The following ASTN1 variants were observed in gnomAD, a reference collection of about 807,000 sequenced individuals.
ASTN1 encodes astrotactin-1.
In ASTN1, 41 loss-of-function variants were observed where a neutral mutation model predicts 140.7. The ratio of observed to expected loss-of-function variants is 0.29; its 90% CI spans 0.23 to 0.38. ASTN1 has a LOEUF of 0.38. Ranked by LOEUF, ASTN1 falls within the 10% of genes least tolerant of loss-of-function variation. The pLI, the probability that ASTN1 is intolerant of heterozygous loss-of-function variation, is 1.00. For synonymous variants in ASTN1, 640 were observed against 652.2 expected (o/e 0.98, Z 0.29); for missense variants, 1,479 against 1,678.8 (o/e 0.88, Z 2.08).
At chr1:176,909,744 T>G (rs1670149993) in intron 16 of ASTN1, among the ~76,000 whole-genome samples, 1 of 152,202 alleles carries the variant, frequency 6.6e-6, no homozygotes, top group South Asian at 2.1e-4. Context: ...CCAAGATTTC[T>G]AGATTCTTTT....
intron 2 of ASTN1, among the ~76,000 whole-genome samples, chr1:177,058,106 G>A (rs1326994142): frequency 6.6e-6 from 1 of 152,196 alleles, no homozygotes. Flanking sequence ...GTGTGTGTAT[G>A]GAATGGGAAT....
chr1:177,065,125 C>T (rs114379187), intron 1 of ASTN1, among the ~76,000 whole-genome samples: 3 of 152,176 alleles, frequency 2.0e-5, no homozygotes, highest in East Asian at 3.9e-4. Context: ...CAGATAGAAC[C>T]TTTTTCACAG....
chr1:176,909,996 C>T (rs1008319211), intron 16 of ASTN1, among the ~76,000 whole-genome samples: 2 of 152,100 alleles, frequency 1.3e-5, no homozygotes, highest in African/African-American at 4.8e-5. Flanking sequence ...TCAAACAAAC[C>T]ACACAATGGA....
intron 1 of ASTN1, among the ~76,000 whole-genome samples, chr1:177,156,538 G>T (rs975645892): frequency 6.6e-6 from 1 of 151,878 alleles, no homozygotes; most frequent in African/African-American, 2.4e-5. Context: ...AAAACGCAAA[G>T]TATAAAATAA....
At chr1:176,940,061 C>G (rs1043370963) in intron 14 of ASTN1, among the ~76,000 whole-genome samples, 1 of 152,174 alleles carries the variant, frequency 6.6e-6, no homozygotes, top group African/African-American at 2.4e-5. Flanking sequence ...AACCTTCACA[C>G]AGATTTAATG....
At chr1:176,989,944 C>A (rs1418031281) in intron 8 of ASTN1, among the ~76,000 whole-genome samples, 1 of 151,974 alleles carries the variant, frequency 6.6e-6, no homozygotes, top group Non-Finnish European at 1.5e-5. Flanking sequence ...CCCCCTGCCC[C>A]CATCTTGAGC....
intron 18 of ASTN1, among the ~76,000 whole-genome samples, chr1:176,886,361 T>C (rs760832562): frequency 4.6e-5 from 7 of 152,250 alleles, no homozygotes; most frequent in South Asian, 4.1e-4. Context: ...CTGGATCTTG[T>C]GTCCACCTGA....
At chr1:177,160,654 G>T (rs576019650) in intron 1 of ASTN1, among the ~76,000 whole-genome samples, 10 of 152,266 alleles carry the variant, frequency 6.6e-5, no homozygotes, top group Admixed American at 2.0e-4. Context: ...AATCAAATAT[G>T]CTCCAAAGCA....
chr1:176,870,823 T>C (rs943033346), intron 21 of ASTN1, among the ~76,000 whole-genome samples: 1 of 152,240 alleles, frequency 6.6e-6, no homozygotes, highest in East Asian at 1.9e-4. Context: ...TAAATATCTA[T>C]GGTATCTCCA....
At chr1:176,923,266 C>T (rs1293494976) in intron 16 of ASTN1, among the ~76,000 whole-genome samples, 1 of 152,162 alleles carries the variant, frequency 6.6e-6, no homozygotes, top group Non-Finnish European at 1.5e-5. Context: ...TATAGAGTCA[C>T]AGAACATTAG....
chr1:177,150,668 T>G (rs1015643636), intron 1 of ASTN1, among the ~76,000 whole-genome samples: 1 of 152,038 alleles, frequency 6.6e-6, no homozygotes, highest in Non-Finnish European at 1.5e-5. Context: ...TTTTTAGGGA[T>G]GAGAAGGGTG....
intron 2 of ASTN1, among the ~76,000 whole-genome samples, chr1:177,045,285 C>T (rs886595234): frequency 2.6e-5 from 4 of 152,202 alleles, no homozygotes; most frequent in Non-Finnish European, 5.9e-5. Flanking sequence ...TTCTAAATTC[C>T]TTCCACAGCC....
intron 1 of ASTN1, among the ~76,000 whole-genome samples, chr1:177,092,187 A>G (rs1679789736): frequency 6.6e-6 from 1 of 151,952 alleles, no homozygotes; most frequent in Non-Finnish European, 1.5e-5. Flanking sequence ...TTTTGACTGC[A>G]CTCACCCTAG....
chr1:176,957,652 A>C (rs753652258), intron 11 of ASTN1, 26 bp downstream of exon 11: 18 of 1,610,190 alleles, frequency 1.1e-5, no homozygotes, highest in Non-Finnish European at 8.5e-7. Flanking sequence ...TCAAACAGAA[A>C]CTACTAGCTT....
At chr1:177,079,119 A>G (rs1035178341) in intron 1 of ASTN1, among the ~76,000 whole-genome samples, 3 of 152,224 alleles carry the variant, frequency 2.0e-5, no homozygotes, top group Admixed American at 2.0e-4. Context: ...AGCATTGAGC[A>G]TGAGATCCAG....
intron 7 of ASTN1, among the ~76,000 whole-genome samples, chr1:177,017,132 C>A (rs1571655006): frequency 6.6e-6 from 1 of 152,198 alleles, no homozygotes; most frequent in African/African-American, 2.4e-5. Flanking sequence ...CAATACCTAC[C>A]ATTTGTATAG....
At chr1:176,964,943 G>A (rs1270314248) in intron 9 of ASTN1, among the ~76,000 whole-genome samples, 2 of 152,094 alleles carry the variant, frequency 1.3e-5, no homozygotes, top group Admixed American at 6.6e-5. Flanking sequence ...CCCAGAGCTG[G>A]CAAAGAAGGA....
chr1:176,867,135 C>T lies in ASTN1; in HGVS notation c.3647+1709G>A, dbSNP rs190220642. ...TTCCCCTGCTCACTTTCTTCATTAA[C>T]CAATTTTCTTTCTGACTCTTGAGTC... On this transcript the variant is annotated intron_variant, in intron 22 of 22. Coordinates refer to ENST00000361833, the MANE Select transcript of ASTN1 (RefSeq NM_004319.3). Among the ~76,000 whole-genome samples, 11 of 152,338 alleles carry T rather than the reference C, an allele frequency of 7.2e-5. No individual in the cohort carries two copies. In the East Asian group the frequency reaches 2.1e-3, roughly 29 times the overall value.
chr1:176,999,974 CA>C (rs1372093418), intron 8 of ASTN1, among the ~76,000 whole-genome samples: 2 of 152,068 alleles, frequency 1.3e-5, no homozygotes, highest in African/African-American at 4.8e-5. Flanking sequence ...TTCTTTACAG[CA>C]GCAAGAGAAT....
Sources: allele counts gnomAD v4.1 joint callset (sites outside exome capture counted in the v4.1 genomes callset), GRCh38; gene constraint gnomAD v4.1.1; transcripts MANE v1.5; gene names NCBI Gene and HGNC (gene_info 2026-07-23, HGNC 2026-07-21).